The following NT5DC3 variants were observed in gnomAD, a reference collection of about 807,000 sequenced individuals.
NT5DC3 encodes the protein 5'-nucleotidase domain containing 3.
NT5DC3 carries 42 observed loss-of-function variants against 67.8 expected under a neutral mutation model. That is an observed-to-expected ratio of 0.62 (90% confidence interval 0.48 to 0.80). NT5DC3 has a LOEUF of 0.80. NT5DC3 is among the 30% of genes least tolerant of loss of function. The pLI, the probability that NT5DC3 is intolerant of heterozygous loss-of-function variation, is 0.00. For synonymous variants in NT5DC3, 237 were observed against 255.6 expected (o/e 0.93, Z 0.69); for missense variants, 570 against 696.4 (o/e 0.82, Z 2.04).
chr12:103,763,895 T>G, the NT5DC3 span: 5 of 266,148 alleles, frequency 1.9e-5, no homozygotes, highest in Non-Finnish European at 2.8e-5. Context: ...GATGCCACAG[T>G]GAAAAAAAGT....
the NT5DC3 span, chr12:103,749,246 C>G: frequency 7.5e-7 from 1 of 1,339,068 alleles, no homozygotes; most frequent in Non-Finnish European, 1.0e-6. Flanking sequence ...TGCTTATCTC[C>G]TGGACTCTTC....
At chr12:103,836,895 G>C (rs910638431) in intron 1 of NT5DC3, among the ~76,000 whole-genome samples, 1 of 152,102 alleles carries the variant, frequency 6.6e-6, no homozygotes, top group Non-Finnish European at 1.5e-5. Context: ...TACTATTCCG[G>C]GGTCTGGAGG....
the NT5DC3 span, among the ~76,000 whole-genome samples, chr12:103,756,556 CTG>C: frequency 6.6e-6 from 1 of 152,190 alleles, no homozygotes; most frequent in Admixed American, 6.5e-5. Flanking sequence ...GATGAAGAAA[CTG>C]AGGCTTAGCA....
At chr12:103,755,422 C>A in the NT5DC3 span, 1 of 1,614,106 alleles carries the variant, frequency 6.2e-7, no homozygotes, top group Non-Finnish European at 8.5e-7. Context: ...TGGACCTAGA[C>A]CCAACAAGAG....
the NT5DC3 span, among the ~76,000 whole-genome samples, chr12:103,760,983 G>A: frequency 8.3e-6 from 1 of 120,818 alleles, no homozygotes. Context: ...TGGACGCAGC[G>A]TCCACAGGCA....
At chr12:103,807,693 C>T (rs1282194558) in intron 2 of NT5DC3, among the ~76,000 whole-genome samples, 1 of 152,212 alleles carries the variant, frequency 6.6e-6, no homozygotes. Flanking sequence ...CTCTATGTCC[C>T]CAGCCAAGTC....
At chr12:103,754,521 AC>A in the NT5DC3 span, among the ~76,000 whole-genome samples, 2 of 152,044 alleles carry the variant, frequency 1.3e-5, no homozygotes, top group Admixed American at 1.3e-4. Context: ...AGAGAACCTG[AC>A]CCCAGATAAG....
At position 103,796,923 on chromosome 12, in the gene NT5DC3, C is replaced by T; in HGVS notation, c.724G>A (p.Glu242Lys). The T allele has an allele frequency of 6.2e-7, 1 of 1,614,176 alleles. No homozygotes were observed. The highest frequency in any genetic ancestry group is 8.5e-7 in the Non-Finnish European group (1 of 1,180,022). ...EYFLKNNIDY[E>K]PVHLYKDVKD... ...ACATCTTTGTACAGATGCACAGGCT[C>T]ATAGTCGATGTTGTTCTTGAGGAAG... The change falls in exon 6 of 14, where the codon GAG becomes AAG. Residue 242 changes from glutamate (E) to lysine (K), a missense_variant. Glu to Lys is a moderately conservative substitution (Grantham distance 56). Coordinates refer to ENST00000392876, the MANE Select transcript of NT5DC3 (RefSeq NM_001031701.3).
chr12:103,763,233 G>T, the NT5DC3 span: 16 of 434,540 alleles, frequency 3.7e-5, no homozygotes, highest in Admixed American at 1.1e-4. Flanking sequence ...CTAAGAGCAT[G>T]TGAACACATC....
intron 11 of NT5DC3, chr12:103,785,777 A>AG: frequency 2.5e-6 from 1 of 400,774 alleles, no homozygotes; most frequent in Non-Finnish European, 4.6e-6. Flanking sequence ...AAAAAAAAAA[A>AG]AAATGAGGTC....
intron 13 of NT5DC3, among the ~76,000 whole-genome samples, chr12:103,779,116 C>CA (rs1885447417): frequency 6.6e-6 from 1 of 152,200 alleles, no homozygotes; most frequent in Non-Finnish European, 1.5e-5. Context: ...CTCAAGTGCT[C>CA]AGATGGAGGA....
At chr12:103,801,362 T>G (rs1237147758) in intron 4 of NT5DC3, among the ~76,000 whole-genome samples, 17 of 149,916 alleles carry the variant, frequency 1.1e-4, no homozygotes, top group Admixed American at 1.1e-3. Context: ...ATGACTTGCT[T>G]TGGGGTGGGC....
At chr12:103,767,387 AAGT>A (rs1398456440), downstream of NT5DC3, among the ~76,000 whole-genome samples, 1 of 152,172 alleles carries the variant, frequency 6.6e-6, no homozygotes, top group Non-Finnish European at 1.5e-5. Context: ...TAGAGACAGA[AAGT>A]AGGTTGATTG....
the NT5DC3 span, among the ~76,000 whole-genome samples, chr12:103,760,293 C>G: frequency 6.6e-6 from 1 of 152,192 alleles, no homozygotes; most frequent in African/African-American, 2.4e-5. Flanking sequence ...CAGTCTCTCG[C>G]TCTGTCACCC....
At chr12:103,789,047 C>G in intron 9 of NT5DC3, 128 bp from the exon 10 acceptor site, 1 of 685,842 alleles carries the variant, frequency 1.5e-6, no homozygotes, top group Non-Finnish European at 2.6e-6. Flanking sequence ...GAAACCAAAA[C>G]TCCACCATCA....
At chr12:103,787,301 G>A (rs979031117) in intron 11 of NT5DC3, 140 bp downstream of exon 11, 1 of 445,132 alleles carries the variant, frequency 2.2e-6, no homozygotes, top group African/African-American at 2.0e-5. Flanking sequence ...CCTACTTTTA[G>A]GTTTTATGAA....
At chr12:103,838,891 C>T (rs1362026182) in intron 1 of NT5DC3, among the ~76,000 whole-genome samples, 1 of 152,002 alleles carries the variant, frequency 6.6e-6, no homozygotes, top group Non-Finnish European at 1.5e-5. Context: ...ATCAGCCTAA[C>T]ATTTTTGAAA....
At chr12:103,802,212 A>T (rs1386598655) in intron 4 of NT5DC3, 1 of 152,228 alleles carries the variant, frequency 6.6e-6, no homozygotes, top group Non-Finnish European at 1.5e-5. Context: ...ACAAGAAACA[A>T]GGCAATTCTT....
At chr12:103,791,107 C>T (rs1454293412) in intron 9 of NT5DC3, among the ~76,000 whole-genome samples, 1 of 152,082 alleles carries the variant, frequency 6.6e-6, no homozygotes, top group Non-Finnish European at 1.5e-5. Context: ...TTATGAATAA[C>T]ACAAGGATGA....
Sources: allele counts gnomAD v4.1 joint callset (sites outside exome capture counted in the v4.1 genomes callset), GRCh38; gene constraint gnomAD v4.1.1; transcripts MANE v1.5; gene names NCBI Gene and HGNC (gene_info 2026-07-23, HGNC 2026-07-21).